The following PTPRJ variants were observed in gnomAD, a reference collection of about 807,000 sequenced individuals.
PTPRJ encodes the protein protein tyrosine phosphatase receptor type J, also known as receptor-type tyrosine-protein phosphatase eta.
A neutral mutation model predicts 141.3 loss-of-function variants in PTPRJ; 129 were observed. That is an observed-to-expected ratio of 0.91 (90% CI 0.79 to 1.06). PTPRJ has a LOEUF of 1.06. Among genes scored for constraint, PTPRJ ranks in the 50% least tolerant of loss-of-function variants. PTPRJ has a pLI of 0.00. For missense variants in PTPRJ, 1,601 were observed against 1,679.7 expected (o/e 0.95, Z 0.82); for synonymous variants, 610 against 640.5 (o/e 0.95, Z 0.72).
chr11:48,127,378 G>A (rs1856863421), intron 6 of PTPRJ, among the ~76,000 whole-genome samples: 2 of 152,198 alleles, frequency 1.3e-5, no homozygotes, highest in South Asian at 4.1e-4. Flanking sequence ...TGGAACCCAG[G>A]CCTGCCTCGT....
At chr11:48,095,953 C>T (rs1855993661) in intron 1 of PTPRJ, among the ~76,000 whole-genome samples, 1 of 152,158 alleles carries the variant, frequency 6.6e-6, no homozygotes, top group South Asian at 2.1e-4. Context: ...ACATTGCTCC[C>T]CCATGAATAT....
chr11:48,134,701 G>GT lies in PTPRJ; in HGVS notation c.1616-1336dup, dbSNP rs569063298. Among the ~76,000 whole-genome samples the GT allele has an allele frequency of 1.1e-4, 17 of 152,232 alleles. No homozygotes were observed. The East Asian group carries it at 2.1e-3, about 19-fold the overall frequency. ...TTGTTGCCAGGTAAAGAGAGACAGG[G>GT]TTGAAAGCCGCGGTAGAAAATAGGC... On this transcript the variant is annotated intron_variant, in intron 8 of 24. Transcript: ENST00000418331.
chr11:48,111,331 T>A (rs1451966177), intron 2 of PTPRJ, among the ~76,000 whole-genome samples: 5 of 95,496 alleles, frequency 5.2e-5, no homozygotes, highest in East Asian at 3.0e-4. Flanking sequence ...TTGGTAGTTT[T>A]TTAAAAAATG....
chr11:48,003,100 CTAAA>C (rs1200765888), intron 1 of PTPRJ, among the ~76,000 whole-genome samples: 1 of 152,116 alleles, frequency 6.6e-6, no homozygotes, highest in East Asian at 1.9e-4. Flanking sequence ...TGCTGAAAGG[CTAAA>C]TAAAGAGAAC....
chr11:48,128,358 A>G (rs1856893855), intron 7 of PTPRJ, among the ~76,000 whole-genome samples: 1 of 152,172 alleles, frequency 6.6e-6, no homozygotes, highest in Non-Finnish European at 1.5e-5. Flanking sequence ...CTCTCTTTCC[A>G]GTGTGGAGGA....
At chr11:48,112,452 TC>T (rs1856465271) in intron 2 of PTPRJ, among the ~76,000 whole-genome samples, 1 of 152,224 alleles carries the variant, frequency 6.6e-6, no homozygotes, top group South Asian at 2.1e-4. Context: ...AGGTTCTCCT[TC>T]AGTGCCTGAG....
Position 48,146,891 on chromosome 11 carries a change from C to A in PTPRJ, c.2927C>A (p.Ala976Glu). ...LPQDPGVICG[A>E]VFGCIFGALV... ...CTTTTCTCAGGTGTCATCTGTGGAG[C>A]GGTTTTTGGCTGTATCTTTGGTGCC... Residue 976 changes from alanine (A) to glutamate (E), a missense_variant, in exon 15 of 25, where the codon GCG (alanine) becomes GAG (glutamate). By Grantham distance (107) the Ala-to-Glu change is moderately radical. Transcript: ENST00000418331. 1 of 1,613,888 alleles carries A rather than the reference C, an allele frequency of 6.2e-7. No homozygotes were observed. Among genetic ancestry groups the A allele is most frequent in the East Asian group, 2.2e-5 (1 of 44,878 alleles).
intron 1 of PTPRJ, 116 bp from the exon 2 acceptor site, chr11:48,109,942 T>C (rs2134324083): frequency 8.4e-7 from 1 of 1,183,446 alleles, no homozygotes; most frequent in African/African-American, 1.5e-5. Context: ...GACCTTTGCT[T>C]AATGTGCTTC....
chr11:48,147,558 C>T (rs1334170803), intron 15 of PTPRJ, among the ~76,000 whole-genome samples: 1 of 152,212 alleles, frequency 6.6e-6, no homozygotes, highest in Non-Finnish European at 1.5e-5. Flanking sequence ...ATGCATGAGG[C>T]TCTGCGAGGC....
Position 48,168,969 on chromosome 11 carries a change from GTAATGT to G in PTPRJ, c.*1608_*1613del, listed in dbSNP as rs2134394342. The G allele has an allele frequency of 6.6e-6, 1 of 152,248 alleles. No individual in the cohort carries two copies. Among genetic ancestry groups the G allele is most frequent in the Non-Finnish European group, 1.5e-5 (1 of 68,016 alleles). The allele number at this position is 152,248 out of a possible 1,614,324, so 9.4% of individuals were successfully genotyped here. On this transcript the variant is annotated 3_prime_UTR_variant, in exon 25 of 25. Coordinates refer to ENST00000418331, the MANE Select transcript of PTPRJ (RefSeq NM_002843.4). ...CTGGAGTCCTGTGGCTGTTGCCACAGTAATGTGTCCTGCTGTAAACAGGACAGGTGT... is the reference window on the plus strand; with the variant it reads ...CTGGAGTCCTGTGGCTGTTGCCACAGGTCCTGCTGTAAACAGGACAGGTGT...
intron 3 of PTPRJ, among the ~76,000 whole-genome samples, chr11:48,115,712 A>G (rs1385025107): frequency 1.3e-5 from 2 of 152,224 alleles, no homozygotes; most frequent in African/African-American, 4.8e-5. Flanking sequence ...ATACTTAAAA[A>G]ATAATAACTA....
intron 1 of PTPRJ, among the ~76,000 whole-genome samples, chr11:48,088,970 A>G (rs1855787896): frequency 6.6e-6 from 1 of 152,140 alleles, no homozygotes; most frequent in African/African-American, 2.4e-5. Context: ...CTCATCATCT[A>G]TTATTTATTC....
At chr11:48,064,412 C>T (rs1343977085) in intron 1 of PTPRJ, among the ~76,000 whole-genome samples, 1 of 152,126 alleles carries the variant, frequency 6.6e-6, no homozygotes, top group Non-Finnish European at 1.5e-5. Flanking sequence ...AACAGCTGGG[C>T]TGACACCGGG....
At chr11:48,022,746 C>T (rs1000207204) in intron 1 of PTPRJ, among the ~76,000 whole-genome samples, 6 of 152,256 alleles carry the variant, frequency 3.9e-5, no homozygotes, top group East Asian at 1.9e-4. Flanking sequence ...GCCAGAGCAG[C>T]GTGGGTTCAT....
At chr11:48,076,198 C>G (rs964278971) in intron 1 of PTPRJ, among the ~76,000 whole-genome samples, 1 of 152,144 alleles carries the variant, frequency 6.6e-6, no homozygotes, top group African/African-American at 2.4e-5. Flanking sequence ...TACCTAACCC[C>G]CAGGAGCTGG....
At chr11:48,036,823 CCAGG>C (rs1854137454) in intron 1 of PTPRJ, among the ~76,000 whole-genome samples, 2 of 152,146 alleles carry the variant, frequency 1.3e-5, no homozygotes, top group African/African-American at 4.8e-5. Flanking sequence ...CCCAGAGAAA[CCAGG>C]CAGATACTGC....
chr11:48,064,154 C>G (rs147691792), intron 1 of PTPRJ, among the ~76,000 whole-genome samples: 1 of 152,212 alleles, frequency 6.6e-6, no homozygotes, highest in African/African-American at 2.4e-5. Flanking sequence ...TTATGTGGGG[C>G]AGGGTCTCCA....
At chr11:48,047,746 C>T (rs754889405) in intron 1 of PTPRJ, among the ~76,000 whole-genome samples, 1 of 151,996 alleles carries the variant, frequency 6.6e-6, no homozygotes, top group South Asian at 2.1e-4. Flanking sequence ...AAACTCTGCT[C>T]AAAGTTTTAG....
intron 1 of PTPRJ, among the ~76,000 whole-genome samples, chr11:48,070,514 A>AG (rs1213142855): frequency 6.6e-6 from 1 of 151,878 alleles, no homozygotes; most frequent in Non-Finnish European, 1.5e-5. Flanking sequence ...AAAAAAAAAA[A>AG]AAAAAGGCAC....
Sources: allele counts gnomAD v4.1 joint callset (sites outside exome capture counted in the v4.1 genomes callset), GRCh38; gene constraint gnomAD v4.1.1; transcripts MANE v1.5; gene names NCBI Gene and HGNC (gene_info 2026-07-23, HGNC 2026-07-21).